Variants in SLC13A1 observed in about 807,000 individuals in gnomAD.
SLC13A1 encodes Na(+)/sulfate cotransporter.
In SLC13A1, 65 loss-of-function variants were observed where a neutral mutation model predicts 70.0. That is an observed-to-expected ratio of 0.93 (90% confidence interval 0.76 to 1.14). The LOEUF (loss-of-function observed/expected upper bound fraction) is 1.14, where lower values mean the gene tolerates loss of function less well. Ranked by LOEUF, SLC13A1 falls within the 50% of genes most tolerant of loss-of-function variation. The pLI is 0.00. For synonymous variants in SLC13A1, 275 were observed against 250.5 expected, an observed-to-expected ratio of 1.10 and a Z score of -0.92; for missense variants, 726 against 717.8, an observed-to-expected ratio of 1.01 and a Z score of -0.13.
intron 1 of SLC13A1, among the ~76,000 whole-genome samples, chr7:123,183,294 A>G (rs1035900520): frequency 2.0e-5 from 3 of 152,192 alleles, no homozygotes; most frequent in Non-Finnish European, 4.4e-5. Context: ...AGCAGATTTA[A>G]TGTTAAAAAA....
At chr7:123,144,803 C>A (rs1054898949) in intron 7 of SLC13A1, among the ~76,000 whole-genome samples, 1 of 152,112 alleles carries the variant, frequency 6.6e-6, no homozygotes, top group South Asian at 2.1e-4. Flanking sequence ...TTATATGCAA[C>A]TTATGCCCCA....
intron 1 of SLC13A1, among the ~76,000 whole-genome samples, chr7:123,185,902 C>T (rs10253693): frequency 0.47 from 70,991 of 151,692 alleles, 17,048 homozygotes; most frequent in African/African-American, 0.58. Context: ...TTTTCAAAAG[C>T]GTCCCTCTTT....
chr7:123,132,776 G>GA (rs978994596), intron 8 of SLC13A1, among the ~76,000 whole-genome samples: 5 of 151,556 alleles, frequency 3.3e-5, no homozygotes, highest in Non-Finnish European at 5.9e-5. Flanking sequence ...TGTTTTTCAG[G>GA]AAAAAAAATA....
At chr7:123,179,312 C>T (rs1795559146) in intron 2 of SLC13A1, among the ~76,000 whole-genome samples, 1 of 152,060 alleles carries the variant, frequency 6.6e-6, no homozygotes, top group South Asian at 2.1e-4. Context: ...TAATATGTAT[C>T]TCCTTGAAAG....
At chr7:123,143,201 G>A (rs529661263) in intron 7 of SLC13A1, among the ~76,000 whole-genome samples, 3 of 152,190 alleles carry the variant, frequency 2.0e-5, no homozygotes, top group African/African-American at 7.2e-5. Context: ...TAGTGAAGAG[G>A]GATATGAGGA....
At chr7:123,156,752 T>C (rs1322550002) in intron 6 of SLC13A1, among the ~76,000 whole-genome samples, 1 of 152,140 alleles carries the variant, frequency 6.6e-6, no homozygotes, top group African/African-American at 2.4e-5. Flanking sequence ...ATCCTTTTTC[T>C]TCTCCATGCC....
At chr7:123,152,322 A>C (rs1253283531) in intron 6 of SLC13A1, among the ~76,000 whole-genome samples, 2 of 152,132 alleles carry the variant, frequency 1.3e-5, no homozygotes, top group African/African-American at 4.8e-5. Context: ...GGAAGCAGAT[A>C]TATCTTTGAC....
At chr7:123,197,550 C>T (rs190624173) in intron 1 of SLC13A1, among the ~76,000 whole-genome samples, 1,922 of 152,118 alleles carry the variant, frequency 0.013, 23 homozygotes, top group South Asian at 0.059. Flanking sequence ...AAATAATAGT[C>T]TTTCAGTTTA....
chr7:123,182,966 C>T (rs1795687152), intron 1 of SLC13A1, among the ~76,000 whole-genome samples: 1 of 152,092 alleles, frequency 6.6e-6, no homozygotes, highest in Non-Finnish European at 1.5e-5. Context: ...CACCTCCTGA[C>T]ATCAATTTTC....
chr7:123,134,556 A>G, intron 7 of SLC13A1, 27 bp from the exon 8 acceptor site: 2 of 1,603,770 alleles, frequency 1.2e-6, no homozygotes, highest in Non-Finnish European at 1.7e-6. Flanking sequence ...AGACGTGTTC[A>G]GGGATGGAGA....
intron 2 of SLC13A1, among the ~76,000 whole-genome samples, chr7:123,179,527 T>C (rs1004387411): frequency 2.6e-5 from 4 of 152,140 alleles, no homozygotes; most frequent in African/African-American, 7.2e-5. Flanking sequence ...GTCACAGTGA[T>C]GCAAAACTGC....
chr7:123,192,106 G>T (rs1796015249), intron 1 of SLC13A1, among the ~76,000 whole-genome samples: 1 of 152,036 alleles, frequency 6.6e-6, no homozygotes, highest in Non-Finnish European at 1.5e-5. Flanking sequence ...GCCCCAGTGG[G>T]TGAATGTGTT....
At chr7:123,155,892 T>C (rs934363112) in intron 6 of SLC13A1, among the ~76,000 whole-genome samples, 4 of 152,058 alleles carry the variant, frequency 2.6e-5, no homozygotes, top group African/African-American at 9.7e-5. Flanking sequence ...TCAGTACCCC[T>C]GTTTTCCTTG....
chr7:123,142,750 T>G (rs1223484191), intron 7 of SLC13A1, among the ~76,000 whole-genome samples: 2 of 151,380 alleles, frequency 1.3e-5, no homozygotes, highest in Non-Finnish European at 1.5e-5. Context: ...CCTGAGTAGC[T>G]GGGACTACAG....
intron 1 of SLC13A1, among the ~76,000 whole-genome samples, chr7:123,181,572 A>G (rs1451484631): frequency 6.6e-6 from 1 of 152,088 alleles, no homozygotes; most frequent in Non-Finnish European, 1.5e-5. Flanking sequence ...CTTCTAACTA[A>G]AAGGGGAAAA....
chr7:123,122,686 C>T (rs1793423673), intron 12 of SLC13A1, among the ~76,000 whole-genome samples: 1 of 151,962 alleles, frequency 6.6e-6, no homozygotes, highest in Non-Finnish European at 1.5e-5. Context: ...TATTATTTCT[C>T]ATTCTCTTTT....
chr7:123,123,430 T>G (rs987113139), intron 11 of SLC13A1, among the ~76,000 whole-genome samples, 195 bp from the exon 12 acceptor site: 3 of 152,002 alleles, frequency 2.0e-5, no homozygotes, highest in Non-Finnish European at 2.9e-5. Flanking sequence ...AAGAGAAAAC[T>G]CCATAACTTA....
intron 7 of SLC13A1, among the ~76,000 whole-genome samples, chr7:123,137,112 C>T (rs572589408): frequency 7.2e-5 from 11 of 152,218 alleles, no homozygotes; most frequent in Middle Eastern, 3.4e-3. Context: ...AAGTTAGTAA[C>T]GTGACATGAT....
At chr7:123,131,829 G>T (rs200928807) in intron 8 of SLC13A1, among the ~76,000 whole-genome samples, 1 of 152,180 alleles carries the variant, frequency 6.6e-6, no homozygotes, top group East Asian at 1.9e-4. Flanking sequence ...TTTGCCTAGT[G>T]TATGCACTTC....
Sources: gnomAD v4.1 joint callset for allele counts (sites outside exome capture counted in the v4.1 genomes callset) on GRCh38, gnomAD v4.1.1 for gene constraint, MANE v1.5 for transcripts, NCBI Gene and HGNC (gene_info 2026-07-23, HGNC 2026-07-21) for gene names.